The following ENG variants were observed in gnomAD, a reference collection of about 807,000 sequenced individuals.
ENG encodes the protein endoglin, also known as CD105 antigen.
A neutral mutation model predicts 71.0 loss-of-function variants in ENG; 17 were observed. The observed-to-expected ratio is 0.24, with a 90% CI of 0.16 to 0.36. The LOEUF is 0.36. Among genes scored for constraint, ENG ranks in the 10% least tolerant of loss-of-function variants. The pLI, the probability that ENG is intolerant of heterozygous loss-of-function variation, is 1.00. For synonymous variants in ENG, 360 were observed against 366.9 expected (o/e 0.98, Z 0.21); for missense variants, 749 against 868.3 (o/e 0.86, Z 1.73).
chr9:127,843,069 C>T, intron 2 of ENG, 25 bp downstream of exon 2: 1 of 1,613,604 alleles, frequency 6.2e-7, no homozygotes, highest in South Asian at 1.1e-5. Flanking sequence ...TGAGCCCCCA[C>T]CCGACCCTGC....
intron 3 of ENG, among the ~76,000 whole-genome samples, chr9:127,828,062 G>A (rs1830668654): frequency 1.4e-5 from 2 of 146,072 alleles, no homozygotes; most frequent in South Asian, 2.1e-4. Context: ...CTCCTGCCTC[G>A]GCTTACCAAA....
At chr9:127,843,688 C>CATATATATACATATATAGATATACAT (rs34864592) in intron 1 of ENG, among the ~76,000 whole-genome samples, 1 of 126,334 alleles carries the variant, frequency 7.9e-6, no homozygotes, top group Admixed American at 8.8e-5. Flanking sequence ...TATATACATA[C>CATATATATACATATATAGATATACAT]ATATATACAT....
intron 2 of ENG, among the ~76,000 whole-genome samples, chr9:127,830,079 C>T (rs950646890): frequency 3.9e-5 from 6 of 152,080 alleles, no homozygotes; most frequent in African/African-American, 7.2e-5. Flanking sequence ...CGGTGGCTCA[C>T]GTCTGTAATC....
intron 8 of ENG, among the ~76,000 whole-genome samples, chr9:127,822,928 T>G (rs1830501811): frequency 6.6e-6 from 1 of 150,988 alleles, no homozygotes; most frequent in Non-Finnish European, 1.5e-5. Flanking sequence ...GCAATCTCCC[T>G]CTACCGGGTT....
At chr9:127,825,637 T>TC in intron 5 of ENG, 58 bp downstream of exon 5, 1 of 953,612 alleles carries the variant, frequency 1.0e-6, no homozygotes, top group Non-Finnish European at 1.4e-6. Flanking sequence ...GCGGGGGGGG[T>TC]CAGGGGGGTG....
chr9:127,843,753 ATATTTTTTTTTTTTTTTT>A (rs1342560910), intron 1 of ENG, among the ~76,000 whole-genome samples: 2 of 13,244 alleles, frequency 1.5e-4, no homozygotes, highest in Non-Finnish European at 2.1e-4. Flanking sequence ...ATATATATAT[ATATTTTTTTTTTTTTTTT>A]TTTTTTTTTT....
At chr9:127,817,099 C>T (rs1444339103) in intron 13 of ENG, 50 bp downstream of exon 13, 1 of 1,606,782 alleles carries the variant, frequency 6.2e-7, no homozygotes, top group South Asian at 1.1e-5. Flanking sequence ...CTGTGCCCTA[C>T]TGTGACCTCA....
At chr9:127,849,737 G>T (rs1443659670) in intron 1 of ENG, among the ~76,000 whole-genome samples, 1 of 152,212 alleles carries the variant, frequency 6.6e-6, no homozygotes, top group Non-Finnish European at 1.5e-5. Flanking sequence ...GCAAGAGGAA[G>T]ATCCCCATCC....
At position 127,846,375 on chromosome 9, in the gene ENG, C is replaced by T. The variant is rs1337175878; in HGVS notation, c.68-3130G>A. Among the ~76,000 whole-genome samples, 8 of 152,180 alleles carry T rather than the reference C, an allele frequency of 5.3e-5. No individual in the cohort carries two copies. Among genetic ancestry groups the T allele is most frequent in the African/African-American group, 1.4e-4 (6 of 41,446 alleles). On this transcript the variant is annotated intron_variant, in intron 1 of 14. Coordinates refer to ENST00000373203, the MANE Select transcript of ENG (RefSeq NM_001114753.3). The surrounding 1 kb of genome is among the most constrained non-coding windows in gnomAD (Gnocchi z 5.5). ...TCTCACAGCACATGGTTGACCAGGC[C>T]GGGCCTCGGACCCGCGTCTCCCAAC...
At chr9:127,851,425 G>A (rs1318367777) in intron 1 of ENG, among the ~76,000 whole-genome samples, 1 of 151,906 alleles carries the variant, frequency 6.6e-6, no homozygotes, top group South Asian at 2.1e-4. Context: ...TTGCCATGTT[G>A]GTCAGGCTGG....
intron 7 of ENG, 47 bp from the exon 8 acceptor site, chr9:127,824,493 A>C: frequency 6.5e-7 from 1 of 1,531,694 alleles, no homozygotes; most frequent in Non-Finnish European, 8.9e-7. Context: ...CTGTGTGATC[A>C]CTGTGTGCCC....
At chr9:127,852,473 T>C (rs539421409) in intron 1 of ENG, among the ~76,000 whole-genome samples, 53 of 152,314 alleles carry the variant, frequency 3.5e-4, no homozygotes, top group Non-Finnish European at 4.7e-4. Flanking sequence ...TGGTCTGTTG[T>C]ACCTTTGAGC....
In ENG at chr9:127,825,333, C is replaced by T; in HGVS notation, c.714G>A (p.Val238=). 2 of 1,610,796 alleles carry T rather than the reference C, an allele frequency of 1.2e-6. No individual in the cohort carries two copies. Among genetic ancestry groups the T allele is most frequent in the Non-Finnish European group, 1.7e-6 (2 of 1,179,496 alleles). ...GATCCCCGGGTGCGCAGCTCAGTTC[C>T]ACCTTCACCGTCACCGTCCGGGGCC... ...SAGPRTVTVK[V]ELSCAPGDLD... The change falls in exon 6 of 15, where the codon GTG becomes GTA. Residue 238 remains valine (V), a synonymous_variant. Transcript: ENST00000373203.
chr9:127,839,596 C>T (rs1830979605), intron 2 of ENG, among the ~76,000 whole-genome samples: 1 of 152,198 alleles, frequency 6.6e-6, no homozygotes, highest in Admixed American at 6.5e-5. Context: ...TGCTCTGTCG[C>T]TCAGGCTGGA....
At position 127,829,838 on chromosome 9, in the gene ENG, C is replaced by G. The variant is rs1195546930; in HGVS notation, c.220-11G>C. The G allele has an allele frequency of 1.2e-6, 2 of 1,613,770 alleles. No individual in the cohort carries two copies. Among genetic ancestry groups the G allele is most frequent in the Non-Finnish European group, 1.7e-6 (2 of 1,180,004 alleles). On this transcript the variant is annotated splice_polypyrimidine_tract_variant and intron_variant, in intron 2 of 14. Coordinates refer to ENST00000373203, the MANE Select transcript of ENG (RefSeq NM_001114753.3). ...CAGCTGTGACGGGCCCTGGGGGACACAGAGGAGAGACACACACAGTCCAGT... is the reference window on the plus strand; with the variant it reads ...CAGCTGTGACGGGCCCTGGGGGACAGAGAGGAGAGACACACACAGTCCAGT...
intron 2 of ENG, among the ~76,000 whole-genome samples, chr9:127,835,001 T>C (rs1277434524): frequency 6.6e-6 from 1 of 151,618 alleles, no homozygotes; most frequent in Non-Finnish European, 1.5e-5. Flanking sequence ...AATATATATA[T>C]ATATAATTTT....
rs1391819384 is a variant in ENG at position 127,854,493 on chromosome 9, AG to A, written c.-139del. 7.5e-6 allele frequency: 7 copies of A among 931,060 alleles called. No individual in the cohort carries two copies. The highest frequency in any genetic ancestry group is 9.5e-6 in the Non-Finnish European group (6 of 629,258). 57.7% of individuals were successfully genotyped at this position (931,060 alleles called of 1,614,324 possible). On this transcript the variant is annotated 5_prime_UTR_variant, in exon 1 of 15. Coordinates refer to ENST00000373203, the MANE Select transcript of ENG (RefSeq NM_001114753.3). ...GCCGGAGCGACGGCGTCCCTGCTCC[AG>A]CCTTCTGGGGTGGCGGCCGAGGGGT...
chr9:127,834,350 G>C (rs979743592), intron 2 of ENG, among the ~76,000 whole-genome samples: 1 of 152,102 alleles, frequency 6.6e-6, no homozygotes, highest in African/African-American at 2.4e-5. Context: ...CGATTCTCCT[G>C]CCTCAGCCTC....
intron 8 of ENG, among the ~76,000 whole-genome samples, chr9:127,822,082 G>A (rs1002164990): frequency 6.6e-6 from 1 of 151,910 alleles, no homozygotes; most frequent in African/African-American, 2.4e-5. Context: ...AAAAACCACT[G>A]TAGCCAAAAT....
Sources: gnomAD v4.1 joint callset for allele counts (sites outside exome capture counted in the v4.1 genomes callset) on GRCh38, gnomAD v4.1.1 for gene constraint, Gnocchi (gnomAD v3.1) non-coding constraint, MANE v1.5 for transcripts, NCBI Gene and HGNC (gene_info 2026-07-23, HGNC 2026-07-21) for gene names.